PLCH2: variants seen among roughly 807,000 people sequenced by gnomAD.
The protein encoded by PLCH2 is phospholipase C eta 2.
Under a neutral mutation model 134.7 loss-of-function variants are expected in PLCH2, and 98 were observed. The observed-to-expected ratio is 0.73, with a 90% confidence interval of 0.62 to 0.86. The LOEUF is 0.86. Ranked by LOEUF, PLCH2 falls within the 40% of genes least tolerant of loss-of-function variation. The pLI is 0.00. For missense variants in PLCH2, 1,994 were observed against 1,986.6 expected (o/e 1.00, Z -0.07); for synonymous variants, 974 against 827.5 (o/e 1.18, Z -3.04).
chr1:2,478,099 C>T (rs1054775297), intron 1 of PLCH2, among the ~76,000 whole-genome samples: 12 of 152,356 alleles, frequency 7.9e-5, no homozygotes, highest in East Asian at 3.9e-4. Context: ...TGGTAGCTCT[C>T]GGGGCCCCAG....
intron 2 of PLCH2, among the ~76,000 whole-genome samples, chr1:2,450,979 G>C (rs1403678851): frequency 6.6e-6 from 1 of 151,622 alleles, no homozygotes; most frequent in African/African-American, 2.4e-5. Context: ...GGACAGCTCG[G>C]CAGTGGGACC....
intron 2 of PLCH2, among the ~76,000 whole-genome samples, chr1:2,438,253 C>T (rs1033101398): frequency 5.3e-5 from 8 of 152,236 alleles, no homozygotes; most frequent in African/African-American, 1.2e-4. Flanking sequence ...CCTGTGCAGG[C>T]GACAGTTGGT....
chr1:2,476,840 C>G (rs1229262189), intron 1 of PLCH2, 128 bp downstream of exon 1: 1 of 984,650 alleles, frequency 1.0e-6, no homozygotes, highest in African/African-American at 1.7e-5. Flanking sequence ...CCTCCCCTGT[C>G]CCCCGGGTGC....
At chr1:2,418,544 T>TGTTCTCC in the PLCH2 span, among the ~76,000 whole-genome samples, 1 of 152,222 alleles carries the variant, frequency 6.6e-6, no homozygotes, top group African/African-American at 2.4e-5. Flanking sequence ...CATCCACTCC[T>TGTTCTCC]GTTCTCCTCT....
At chr1:2,456,287 G>A (rs971602049) in intron 2 of PLCH2, among the ~76,000 whole-genome samples, 4 of 152,178 alleles carry the variant, frequency 2.6e-5, no homozygotes, top group African/African-American at 7.2e-5. Flanking sequence ...CCCCCAGTTC[G>A]TCCCCTGGGC....
intron 2 of PLCH2, among the ~76,000 whole-genome samples, chr1:2,447,788 G>A (rs1000494579): frequency 5.3e-5 from 8 of 152,128 alleles, no homozygotes; most frequent in African/African-American, 1.9e-4. Context: ...TGAGTCTTTG[G>A]GGTCTTTCCC....
intron 2 of PLCH2, among the ~76,000 whole-genome samples, chr1:2,456,884 G>C (rs990936667): frequency 6.6e-6 from 1 of 152,170 alleles, no homozygotes; most frequent in Non-Finnish European, 1.5e-5. Flanking sequence ...GCCACAAGGG[G>C]CTTCCAGGTG....
intron 2 of PLCH2, among the ~76,000 whole-genome samples, chr1:2,442,840 G>A (rs1639751871): frequency 6.6e-6 from 1 of 152,174 alleles, no homozygotes; most frequent in Non-Finnish European, 1.5e-5. Flanking sequence ...AGGCAGACCT[G>A]GGGGAGCTGA....
At chr1:2,487,513 C>G (rs919147666) in intron 7 of PLCH2, 85 bp from the exon 8 acceptor site, 2 of 1,523,338 alleles carry the variant, frequency 1.3e-6, no homozygotes, top group Non-Finnish European at 1.8e-6. Context: ...AGCAATGGGA[C>G]AGGCCCTCTT....
At chr1:2,430,430 TC>T (rs796804024) in exon 2 of PLCH2, 49 of 152,518 alleles carry the variant, frequency 3.2e-4, no homozygotes, top group African/African-American at 1.0e-3. Context: ...TCCTCCTGCC[TC>T]CTGTGGACGG....
At chr1:2,419,202 G>A in the PLCH2 span, among the ~76,000 whole-genome samples, 1 of 152,190 alleles carries the variant, frequency 6.6e-6, no homozygotes, top group South Asian at 2.1e-4. Flanking sequence ...CCCCTCCCAG[G>A]CTGCCGGCCT....
intron 1 of PLCH2, among the ~76,000 whole-genome samples, chr1:2,469,144 C>T (rs1475169636): frequency 2.0e-5 from 3 of 152,346 alleles, no homozygotes; most frequent in East Asian, 1.9e-4. Flanking sequence ...CTGGTTCCTG[C>T]CTGTCTGGCC....
intron 2 of PLCH2, among the ~76,000 whole-genome samples, chr1:2,460,508 T>C (rs1034379477): frequency 6.6e-6 from 1 of 152,246 alleles, no homozygotes; most frequent in Non-Finnish European, 1.5e-5. Flanking sequence ...CCCTCTGGCC[T>C]GAGAACCGAG....
chr1:2,498,549 C>A lies in PLCH2; in HGVS notation c.2251C>A (p.Pro751Thr), dbSNP rs904841242. The A allele has an allele frequency of 3.1e-6, 5 of 1,607,622 alleles. No individual in the cohort carries two copies. Among genetic ancestry groups the A allele is most frequent in the Non-Finnish European group, 2.5e-6 (3 of 1,178,776 alleles). Reference sequence around the variant, plus strand: ...CGTGTTCAACCCCAACTCGGAGGACCCCCTGCCCGGGCAGCTCAAGAAGCA... The same window carrying A: ...CGTGTTCAACCCCAACTCGGAGGACACCCTGCCCGGGCAGCTCAAGAAGCA... ...QGVFNPNSED[P>T]LPGQLKKQLV... Residue 751 changes from proline to threonine, a missense_variant, in exon 17 of 22, where the codon CCC becomes ACC. By Grantham distance (38) the Pro-to-Thr change is conservative. Transcript: ENST00000378486. The surrounding 1 kb of genome is among the most constrained non-coding windows in gnomAD (Gnocchi z 5.4).
At chr1:2,497,255 A>C (rs983360016) in intron 15 of PLCH2, among the ~76,000 whole-genome samples, 1 of 152,172 alleles carries the variant, frequency 6.6e-6, no homozygotes, top group African/African-American at 2.4e-5. Flanking sequence ...AGGCCTGTCC[A>C]CCTACTCCCA....
chr1:2,480,146 C>T (rs373733729), intron 3 of PLCH2, 37 bp from the exon 4 acceptor site: 15 of 1,610,740 alleles, frequency 9.3e-6, no homozygotes, highest in Non-Finnish European at 1.1e-5. Context: ...CAGGGCTGGG[C>T]CCATGGATCG....
intron 2 of PLCH2, among the ~76,000 whole-genome samples, chr1:2,436,930 C>T (rs1639450648): frequency 6.6e-6 from 1 of 152,218 alleles, no homozygotes; most frequent in Non-Finnish European, 1.5e-5. Flanking sequence ...CAGCTGAGGC[C>T]TCCTGGGGAG....
In PLCH2 at chr1:2,502,443, C is replaced by T. The variant is rs777486457; in HGVS notation, c.2959+34C>T. 21 of 1,539,652 alleles carry T rather than the reference C, an allele frequency of 1.4e-5. No homozygotes were observed. The African/African-American group carries it at 2.5e-4, about 18-fold the overall frequency. ...CCAGCTGCGGTGGCAGAGAAGAGCCCTGTGCGAGTGCGGCCCCCGCGTGTC... is the reference window on the plus strand; with the variant it reads ...CCAGCTGCGGTGGCAGAGAAGAGCCTTGTGCGAGTGCGGCCCCCGCGTGTC... On this transcript the variant is annotated intron_variant, in intron 21 of 21. Coordinates refer to ENST00000378486, the MANE Select transcript of PLCH2 (RefSeq NM_014638.4).
chr1:2,495,646 C>A, intron 13 of PLCH2, 76 bp downstream of exon 13: 2 of 1,049,338 alleles, frequency 1.9e-6, no homozygotes, highest in Non-Finnish European at 2.8e-6. Context: ...TCTGCGGTGA[C>A]CCCACCAGGA....
Sources: gnomAD v4.1 joint callset for allele counts (sites outside exome capture counted in the v4.1 genomes callset) on GRCh38, gnomAD v4.1.1 for gene constraint, Gnocchi (gnomAD v3.1) non-coding constraint, MANE v1.5 for transcripts, NCBI Gene and HGNC (gene_info 2026-07-23, HGNC 2026-07-21) for gene names.